Variants in SORCS1 observed in about 807,000 individuals in gnomAD.
SORCS1 encodes the protein VPS10 domain-containing receptor SorCS1.
In SORCS1, 60 loss-of-function variants were observed where a neutral mutation model predicts 146.1. The ratio of observed to expected loss-of-function variants is 0.41; its 90% CI spans 0.33 to 0.51. SORCS1 has a LOEUF of 0.51. Ranked by LOEUF, SORCS1 falls within the 20% of genes least tolerant of loss-of-function variation. SORCS1 has a pLI of 0.21. For missense variants in SORCS1, 1,352 were observed against 1,487.6 expected (o/e 0.91, Z 1.50); for synonymous variants, 637 against 584.0 (o/e 1.09, Z -1.31).
intron 2 of SORCS1, among the ~76,000 whole-genome samples, chr10:106,904,045 CAG>C (rs1481201512): frequency 1.3e-5 from 2 of 152,180 alleles, no homozygotes; most frequent in African/African-American, 2.4e-5. Flanking sequence ...ATAGATGAAA[CAG>C]AGATAAATTA....
chr10:106,861,242 CA>C (rs921662958), intron 2 of SORCS1, among the ~76,000 whole-genome samples: 53 of 151,138 alleles, frequency 3.5e-4, no homozygotes, highest in African/African-American at 1.2e-3. Flanking sequence ...TACTAAAATA[CA>C]AAAAAAATTA....
At chr10:106,949,547 G>T (rs1954564841) in intron 2 of SORCS1, among the ~76,000 whole-genome samples, 1 of 152,144 alleles carries the variant, frequency 6.6e-6, no homozygotes, top group African/African-American at 2.4e-5. Flanking sequence ...CACTACTGGG[G>T]AACTTCTCTT....
intron 19 of SORCS1, among the ~76,000 whole-genome samples, chr10:106,626,565 A>G (rs1459095546): frequency 4.6e-5 from 7 of 152,148 alleles, no homozygotes; most frequent in African/African-American, 1.7e-4. Context: ...TGACTCGGTT[A>G]TGTTCTTGTT....
intron 2 of SORCS1, among the ~76,000 whole-genome samples, chr10:106,864,792 G>A (rs989078840): frequency 3.3e-5 from 5 of 152,154 alleles, no homozygotes; most frequent in South Asian, 2.1e-4. Context: ...TTCAGCCTTC[G>A]GGCTTTGGAA....
chr10:106,663,979 TTCTC>T (rs1159330887), intron 17 of SORCS1, among the ~76,000 whole-genome samples: 1 of 152,230 alleles, frequency 6.6e-6, no homozygotes, highest in East Asian at 1.9e-4. Context: ...TTATCATATG[TTCTC>T]TTTACACTAG....
At chr10:106,643,631 T>C (rs1369759240) in intron 18 of SORCS1, among the ~76,000 whole-genome samples, 1 of 152,262 alleles carries the variant, frequency 6.6e-6, no homozygotes, top group African/African-American at 2.4e-5. Flanking sequence ...GTTGAAGCTT[T>C]GCCCACTCAA....
intron 1 of SORCS1, among the ~76,000 whole-genome samples, chr10:106,972,544 T>C (rs1955831596): frequency 6.6e-6 from 1 of 151,512 alleles, no homozygotes; most frequent in Non-Finnish European, 1.5e-5. Context: ...TTTTTTTTTT[T>C]GGCCGTAAAG....
chr10:106,658,842 G>A (rs951661637), intron 17 of SORCS1, among the ~76,000 whole-genome samples: 3 of 152,198 alleles, frequency 2.0e-5, no homozygotes, highest in Non-Finnish European at 4.4e-5. Context: ...TGCATCCAGA[G>A]AAACTGCTTC....
chr10:106,911,626 C>A (rs754942037), intron 2 of SORCS1, among the ~76,000 whole-genome samples: 2 of 152,116 alleles, frequency 1.3e-5, no homozygotes, highest in Non-Finnish European at 2.9e-5. Flanking sequence ...GCATTGGCAC[C>A]TGGCATTTCT....
At chr10:106,806,141 G>A (rs1947156192) in intron 3 of SORCS1, among the ~76,000 whole-genome samples, 3 of 148,956 alleles carry the variant, frequency 2.0e-5, no homozygotes, top group African/African-American at 7.4e-5. Flanking sequence ...AGGCCAAGGT[G>A]TGTGGATCAC....
At chr10:106,754,887 C>A (rs1251816452) in intron 5 of SORCS1, among the ~76,000 whole-genome samples, 2 of 152,226 alleles carry the variant, frequency 1.3e-5, no homozygotes, top group Non-Finnish European at 2.9e-5. Context: ...TCAGCTGTCC[C>A]TATTTCAAGC....
intron 1 of SORCS1, among the ~76,000 whole-genome samples, chr10:107,005,147 G>A (rs565554485): frequency 7.2e-5 from 11 of 152,220 alleles, no homozygotes; most frequent in South Asian, 4.1e-4. Flanking sequence ...ATCCCATCAC[G>A]GCATTATTTA....
chr10:107,135,112 G>A (rs944190444), intron 1 of SORCS1, among the ~76,000 whole-genome samples: 2 of 152,182 alleles, frequency 1.3e-5, no homozygotes, highest in African/African-American at 4.8e-5. Context: ...GGGACTGTGG[G>A]AAAGAACAAA....
At chr10:107,075,464 G>C (rs1225657098) in intron 1 of SORCS1, among the ~76,000 whole-genome samples, 1 of 152,064 alleles carries the variant, frequency 6.6e-6, no homozygotes, top group Non-Finnish European at 1.5e-5. Context: ...AAATGTTCTA[G>C]GCACAGAAGA....
At chr10:106,763,510 T>C (rs1019096126) in intron 4 of SORCS1, among the ~76,000 whole-genome samples, 1 of 152,170 alleles carries the variant, frequency 6.6e-6, no homozygotes, top group East Asian at 1.9e-4. Flanking sequence ...TTCAATTTAC[T>C]CTCTCCAAAG....
chr10:107,172,901 C>T, the SORCS1 span, among the ~76,000 whole-genome samples: 12 of 152,122 alleles, frequency 7.9e-5, no homozygotes, highest in East Asian at 7.7e-4. Flanking sequence ...GAACCCTGCC[C>T]GGTAACATTG....
chr10:107,123,876 G>C (rs1447096977), intron 1 of SORCS1, among the ~76,000 whole-genome samples: 1 of 149,828 alleles, frequency 6.7e-6, no homozygotes, highest in Non-Finnish European at 1.5e-5. Flanking sequence ...AGGAGATTGA[G>C]ACCATCCTGG....
chr10:106,604,406 T>C (rs1166538268), intron 23 of SORCS1, among the ~76,000 whole-genome samples: 4 of 152,158 alleles, frequency 2.6e-5, no homozygotes, highest in Non-Finnish European at 5.9e-5. Flanking sequence ...CTTGGTTTAA[T>C]AAGTTGATTT....
At chr10:106,725,999 G>T (rs977561393) in intron 6 of SORCS1, among the ~76,000 whole-genome samples, 1 of 151,388 alleles carries the variant, frequency 6.6e-6, no homozygotes, top group African/African-American at 2.4e-5. Context: ...TCGTAGTGCA[G>T]CTGATGAGAC....
Sources: gnomAD v4.1 joint callset for allele counts (sites outside exome capture counted in the v4.1 genomes callset) on GRCh38, gnomAD v4.1.1 for gene constraint, MANE v1.5 for transcripts, NCBI Gene and HGNC (gene_info 2026-07-23, HGNC 2026-07-21) for gene names.